SLC22A25: variants seen among roughly 807,000 people sequenced by gnomAD.
SLC22A25 encodes the protein solute carrier family 22 member 25, also known as MGI:2442751, MGI:2385316, MGI:3042283, MGI:3645714, MGI:3605624, MGI:2442750.
SLC22A25 carries 44 observed loss-of-function variants against 45.9 expected under a neutral mutation model. That is an observed-to-expected ratio of 0.96 (90% CI 0.75 to 1.23). The LOEUF (loss-of-function observed/expected upper bound fraction) is 1.23. Ranked by LOEUF, SLC22A25 falls within the 50% of genes most tolerant of loss-of-function variation. The pLI, the probability that SLC22A25 is intolerant of heterozygous loss-of-function variation, is 0.00. For missense variants in SLC22A25, 800 were observed against 666.4 expected, an observed-to-expected ratio of 1.20 and a Z score of -2.21; for synonymous variants, 283 against 238.6, an observed-to-expected ratio of 1.19 and a Z score of -1.72.
intron 1 of SLC22A25, among the ~76,000 whole-genome samples, chr11:63,242,771 C>A (rs142932262): frequency 1.0e-3 from 157 of 152,292 alleles, no homozygotes; most frequent in African/African-American, 3.8e-3. Flanking sequence ...TGCCTTCCCT[C>A]GTTTCTATTG....
At chr11:63,183,644 G>A (rs746096213) in intron 8 of SLC22A25, 50 bp downstream of exon 8, 7 of 1,608,562 alleles carry the variant, frequency 4.4e-6, no homozygotes, top group Non-Finnish European at 5.9e-6. Context: ...AAGTATAGAT[G>A]ACAATTTATG....
Position 63,243,454 on chromosome 11 carries a change from G to A in SLC22A25, c.-1016C>T, listed in dbSNP as rs1452922065. 14 of 758,208 alleles carry A rather than the reference G, an allele frequency of 1.8e-5. No individual in the cohort carries two copies. Among genetic ancestry groups the A allele is most frequent in the Middle Eastern group, 2.3e-4 (1 of 4,294 alleles). The allele number at this position is 758,208 out of a possible 1,614,324, so 47.0% of individuals were successfully genotyped here. A position where few individuals can be genotyped will look rare whatever the true frequency, so the allele number is the denominator to read the frequency against. ...TTTACCTGGACTGTTTCTTCGCCAG[G>A]ATCCCAACTTCAAAGTCCCATCTGC... On this transcript the variant is annotated 5_prime_UTR_variant, in exon 1 of 12. Transcript: ENST00000306494.
At chr11:63,219,392 T>G (rs897955021) in intron 5 of SLC22A25, among the ~76,000 whole-genome samples, 1 of 152,210 alleles carries the variant, frequency 6.6e-6, no homozygotes, top group South Asian at 2.1e-4. Flanking sequence ...GACGTTTACA[T>G]AAGTGAAGTG....
intron 7 of SLC22A25, among the ~76,000 whole-genome samples, chr11:63,205,508 A>C (rs1185158855): frequency 6.6e-6 from 1 of 152,222 alleles, no homozygotes; most frequent in African/African-American, 2.4e-5. Context: ...AACTGCCATC[A>C]CAGAATATTA....
Position 63,160,997 on chromosome 11 carries a change from A to G in SLC22A25, c.*2827T>C, listed in dbSNP as rs1260721972. On this transcript the variant is annotated 3_prime_UTR_variant, in exon 12 of 12. Coordinates refer to ENST00000306494, the MANE Select transcript of SLC22A25 (RefSeq NM_199352.6). ...AACAGTTCCACTGCACCATTGTATT[A>G]GTCCATTTTCAAGCTGCTGATAAAG... Among the ~76,000 whole-genome samples the G allele has an allele frequency of 6.6e-6, 1 of 152,192 alleles. No homozygotes were observed. The highest frequency in any genetic ancestry group is 1.5e-5 in the Non-Finnish European group (1 of 68,028).
At chr11:63,240,813 C>G (rs1222895796) in intron 1 of SLC22A25, among the ~76,000 whole-genome samples, 1 of 152,186 alleles carries the variant, frequency 6.6e-6, no homozygotes, top group Non-Finnish European at 1.5e-5. Flanking sequence ...GGGTTGTCAT[C>G]TCCTGTGAGA....
chr11:63,201,409 A>G (rs984577175), intron 7 of SLC22A25, among the ~76,000 whole-genome samples: 7 of 152,234 alleles, frequency 4.6e-5, no homozygotes, highest in African/African-American at 1.7e-4. Flanking sequence ...AATGGGGGAA[A>G]TAATTCCCTA....
At chr11:63,170,597 C>T (rs2087843829) in intron 9 of SLC22A25, among the ~76,000 whole-genome samples, 1 of 152,084 alleles carries the variant, frequency 6.6e-6, no homozygotes, top group African/African-American at 2.4e-5. Flanking sequence ...CATATACACC[C>T]TCCCAAGACT....
rs1387988307 is a variant in SLC22A25 at position 63,158,870 on chromosome 11, C to G, written c.*4954G>C. ...TCATTCTTTCCAACTTCCTTTTTTC[C>G]CCCCATTAACTATTCCCACTTCCCC... On this transcript the variant is annotated 3_prime_UTR_variant, in exon 12 of 12. Coordinates refer to ENST00000306494, the MANE Select transcript of SLC22A25 (RefSeq NM_199352.6). Among the ~76,000 whole-genome samples, 1 of 151,926 alleles carries G rather than the reference C, an allele frequency of 6.6e-6. No individual in the cohort carries two copies. Among genetic ancestry groups the G allele is most frequent in the Non-Finnish European group, 1.5e-5 (1 of 67,966 alleles).
chr11:63,169,513 A>G (rs1024445198), intron 9 of SLC22A25, among the ~76,000 whole-genome samples: 2 of 152,230 alleles, frequency 1.3e-5, no homozygotes, highest in African/African-American at 4.8e-5. Flanking sequence ...AGGGATTGCA[A>G]TCCTATTCTC....
At chr11:63,177,253 A>T (rs2088123761) in intron 9 of SLC22A25, among the ~76,000 whole-genome samples, 1 of 152,016 alleles carries the variant, frequency 6.6e-6, no homozygotes, top group African/African-American at 2.4e-5. Context: ...AATTATACAT[A>T]TTTATGAGGC....
At chr11:63,238,355 C>T (rs2090197017) in intron 2 of SLC22A25, among the ~76,000 whole-genome samples, 2 of 151,636 alleles carry the variant, frequency 1.3e-5, no homozygotes, top group Non-Finnish European at 1.5e-5. Context: ...CCTATGACCA[C>T]TCTGGGTGTA....
chr11:63,176,216 C>T (rs1213742767), intron 9 of SLC22A25, among the ~76,000 whole-genome samples: 2 of 151,984 alleles, frequency 1.3e-5, no homozygotes, highest in East Asian at 3.9e-4. Context: ...TTGTATGGTT[C>T]CCATAGGATT....
At chr11:63,208,096 C>G (rs984138925) in intron 7 of SLC22A25, 7 of 152,230 alleles carry the variant, frequency 4.6e-5, no homozygotes, top group Admixed American at 3.9e-4. Context: ...TTGGAGATGA[C>G]AGATTTACTG....
At chr11:63,243,329 TG>T (rs2090283015) in intron 1 of SLC22A25, 104 bp downstream of exon 1, 1 of 510,400 alleles carries the variant, frequency 2.0e-6, no homozygotes, top group African/African-American at 1.9e-5. Context: ...TTGAACCATT[TG>T]GGATGGAAAA....
chr11:63,183,003 T>G (rs897929263), intron 8 of SLC22A25, among the ~76,000 whole-genome samples: 1 of 152,158 alleles, frequency 6.6e-6, no homozygotes, highest in Non-Finnish European at 1.5e-5. Flanking sequence ...GACCCTGACT[T>G]CCTCTGTCAT....
Position 63,167,781 on chromosome 11 carries a change from G to C in SLC22A25, c.1071-1523C>G, listed in dbSNP as rs186721301. ...TTCTTGCTTGCCAGCTCTGAAGAGA[G>C]CAGTGGATCTCTCAGCACAGTGCTT... On this transcript the variant is annotated intron_variant, in intron 9 of 11. Coordinates refer to ENST00000306494, the MANE Select transcript of SLC22A25 (RefSeq NM_199352.6). 31 of 158,406 alleles carry C rather than the reference G, an allele frequency of 2.0e-4. No individual in the cohort carries two copies. The South Asian group carries it at 4.6e-3, about 24-fold the overall frequency. 9.8% of individuals were successfully genotyped at this position (158,406 alleles called of 1,614,324 possible).
At chr11:63,189,296 G>A (rs2088697853) in intron 7 of SLC22A25, among the ~76,000 whole-genome samples, 1 of 152,126 alleles carries the variant, frequency 6.6e-6, no homozygotes, top group Non-Finnish European at 1.5e-5. Flanking sequence ...TTACCATTAT[G>A]TAATGGCCTT....
chr11:63,166,175 A>G lies in SLC22A25; in HGVS notation c.1154T>C (p.Phe385Ser), dbSNP rs956390247. The change falls in exon 10 of 12, where the codon TTT (phenylalanine) becomes TCT (serine). Residue 385 changes from phenylalanine (F) to serine (S), a missense_variant. Phe to Ser is a radical substitution (Grantham distance 155). Coordinates refer to ENST00000306494, the MANE Select transcript of SLC22A25 (RefSeq NM_199352.6). ...GNNVFLLQTL[F>S]GAVTLLANCV... ...ATTGGCCAGGAGGGTGACTGCACCA[A>G]AGAGAGTCTGCAACAGGAAAACATT... is the stretch of plus-strand genomic sequence containing the variant. The G allele has an allele frequency of 2.5e-6, 4 of 1,613,918 alleles. No homozygotes were observed. In the African/African-American group the frequency reaches 4.0e-5, roughly 16 times the overall value.
Sources: gnomAD v4.1 joint callset for allele counts (sites outside exome capture counted in the v4.1 genomes callset) on GRCh38, gnomAD v4.1.1 for gene constraint, MANE v1.5 for transcripts, NCBI Gene and HGNC (gene_info 2026-07-23, HGNC 2026-07-21) for gene names.